The following KAT6A variants were observed in gnomAD, a reference collection of about 807,000 sequenced individuals.
KAT6A encodes the protein histone acetyltransferase KAT6A.
KAT6A carries 9 observed loss-of-function variants against 198.4 expected under a neutral mutation model. That is an observed-to-expected ratio of 0.05 (90% CI 0.03 to 0.08). The LOEUF (loss-of-function observed/expected upper bound fraction) is 0.08. Ranked by LOEUF, KAT6A falls within the 10% of genes least tolerant of loss-of-function variation. The pLI is 1.00. For synonymous variants in KAT6A, 890 were observed against 883.0 expected (o/e 1.01, Z -0.14); for missense variants, 2,077 against 2,509.9 (o/e 0.83, Z 3.69).
At chr8:41,996,137 T>G (rs1203067521) in intron 2 of KAT6A, among the ~76,000 whole-genome samples, 3 of 152,254 alleles carry the variant, frequency 2.0e-5, no homozygotes, top group Non-Finnish European at 4.4e-5. Flanking sequence ...TTTTATTATA[T>G]GCAATTATTT....
intron 8 of KAT6A, chr8:41,957,475 A>G (rs140452329): frequency 3.1e-6 from 1 of 320,662 alleles, no homozygotes; most frequent in African/African-American, 2.2e-5. Flanking sequence ...TTTTATTTTA[A>G]CATTTCAACC....
Position 42,048,456 on chromosome 8 carries a change from G to A in KAT6A, c.522C>T (p.Thr174=). Residue 174 remains threonine (T), a synonymous_variant, in exon 2 of 17, where the codon ACC becomes ACT. Coordinates refer to ENST00000265713, the MANE Select transcript of KAT6A (RefSeq NM_006766.5). ...CACAACTCTCTTTCCCATCCACGTT[G>A]GTTGCTTTAGTGTTGAGCCGATAAA... ...GPLYRLNTKA[T]NVDGKESCES... is the part of the protein sequence containing the mutation. 2 of 1,614,106 alleles carry A rather than the reference G, an allele frequency of 1.2e-6. No individual in the cohort carries two copies. Among genetic ancestry groups the A allele is most frequent in the Non-Finnish European group, 1.7e-6 (2 of 1,179,964 alleles).
intron 2 of KAT6A, among the ~76,000 whole-genome samples, chr8:42,043,132 T>C (rs1005659082): frequency 1.3e-5 from 2 of 152,236 alleles, no homozygotes; most frequent in African/African-American, 4.8e-5. Flanking sequence ...CTATTCTGTC[T>C]GCTTTAATCC....
intron 3 of KAT6A, among the ~76,000 whole-genome samples, chr8:41,983,505 C>T (rs1824461143): frequency 6.6e-6 from 1 of 152,184 alleles, no homozygotes; most frequent in African/African-American, 2.4e-5. Context: ...ATTCCTTAAA[C>T]TGATCATATT....
intron 2 of KAT6A, among the ~76,000 whole-genome samples, chr8:42,044,577 C>T (rs1232115121): frequency 1.3e-5 from 2 of 152,124 alleles, no homozygotes; most frequent in Non-Finnish European, 2.9e-5. Flanking sequence ...ACAGTTCCTT[C>T]CAAAGGTTAA....
Position 41,933,200 on chromosome 8 carries a change from G to T in KAT6A, c.5020C>A (p.Pro1674Thr). The change falls in exon 17 of 17, where the codon CCA becomes ACA. Residue 1674 changes from proline to threonine, a missense_variant. By Grantham distance (38) the Pro-to-Thr change is conservative (BLOSUM62 -1). This residue lies in a region of KAT6A where 500 missense variants were observed against 577.2 expected (regional missense o/e 0.87). Transcript: ENST00000265713. This position sits in a 1 kb window ranked among gnomAD's most constrained non-coding sequence, Gnocchi z 6.2. ...PQPQPAPQPP[P>T]PQQQPQQQPQ... is the part of the protein sequence containing the mutation. ...TGCTGTTGCGGCTGCTGCTGGGGTG[G>T]TGGAGGCTGTGGTGCTGGTTGTGGT... 6.3e-7 allele frequency: 1 copy of T among 1,580,712 alleles called. No homozygotes were observed. Among genetic ancestry groups the T allele is most frequent in the Non-Finnish European group, 8.6e-7 (1 of 1,166,816 alleles).
intron 8 of KAT6A, among the ~76,000 whole-genome samples, chr8:41,973,781 A>G (rs964858455): frequency 2.6e-5 from 4 of 152,022 alleles, no homozygotes; most frequent in African/African-American, 4.8e-5. Context: ...TTCTGATTAT[A>G]TAAGAACCAA....
At chr8:41,962,876 TTTCC>T (rs1431615184) in intron 8 of KAT6A, among the ~76,000 whole-genome samples, 46 of 152,308 alleles carry the variant, frequency 3.0e-4, no homozygotes, top group African/African-American at 1.1e-3. Context: ...GGTCTTTGCA[TTTCC>T]TGTTCCTATG....
chr8:41,934,685 T>A lies in KAT6A; in HGVS notation c.3535A>T (p.Ile1179Phe). Reference protein sequence around the residue: ...RKPGFKLSREIMPVSTQACVI... With the variant: ...RKPGFKLSREFMPVSTQACVI... The stretch of plus-strand genomic sequence containing the variant: ...CATGCTTGAGTAGAAACTGGCATGA[T>A]TTCCCGACTCAACTTAAATCCTGGT... The change falls in exon 17 of 17, where the codon ATC (isoleucine) becomes TTC (phenylalanine). Residue 1179 changes from isoleucine (I) to phenylalanine (F), a missense_variant. Ile to Phe is a conservative substitution (Grantham distance 21). Coordinates refer to ENST00000265713, the MANE Select transcript of KAT6A (RefSeq NM_006766.5). 1 of 1,614,184 alleles carries A rather than the reference T, an allele frequency of 6.2e-7. No individual in the cohort carries two copies. The highest frequency in any genetic ancestry group is 8.5e-7 in the Non-Finnish European group (1 of 1,180,044).
intron 14 of KAT6A, chr8:41,942,034 C>A: frequency 5.4e-6 from 1 of 183,542 alleles, no homozygotes; most frequent in East Asian, 8.9e-5. Flanking sequence ...AATTAAACTG[C>A]ACTAAAGAGA....
At chr8:42,016,748 C>A (rs1826290246) in intron 2 of KAT6A, among the ~76,000 whole-genome samples, 1 of 152,138 alleles carries the variant, frequency 6.6e-6, no homozygotes, top group Non-Finnish European at 1.5e-5. Context: ...CCAAGGGTAG[C>A]ACTTACAGGT....
chr8:42,032,871 C>CTTTTTTTTTTTTTT (rs1163323345), intron 2 of KAT6A, among the ~76,000 whole-genome samples: 6 of 76,518 alleles, frequency 7.8e-5, no homozygotes, highest in Admixed American at 1.6e-4. Flanking sequence ...AAAACCTTGG[C>CTTTTTTTTTTTTTT]TTTTTTTTTT....
chr8:42,014,389 C>T (rs912109281), intron 2 of KAT6A, among the ~76,000 whole-genome samples: 4 of 152,202 alleles, frequency 2.6e-5, no homozygotes, highest in Admixed American at 1.3e-4. Context: ...ATCATCTATA[C>T]CCATACTATA....
At chr8:42,019,529 A>G (rs1826430611) in intron 2 of KAT6A, among the ~76,000 whole-genome samples, 1 of 152,196 alleles carries the variant, frequency 6.6e-6, no homozygotes, top group Admixed American at 6.5e-5. Flanking sequence ...AATTTTCAAA[A>G]GTATGTTGCA....
chr8:41,986,596 A>G (rs1170055894), intron 3 of KAT6A, among the ~76,000 whole-genome samples: 1 of 152,196 alleles, frequency 6.6e-6, no homozygotes, highest in East Asian at 1.9e-4. Context: ...TATAAAAAAA[A>G]ACTAAGACCT....
chr8:42,000,574 G>GA (rs1303067118), intron 2 of KAT6A, among the ~76,000 whole-genome samples: 6 of 151,066 alleles, frequency 4.0e-5, no homozygotes, highest in Non-Finnish European at 8.9e-5. Context: ...AAAAAAAAAA[G>GA]AAAAAAAAGT....
chr8:41,966,084 T>A (rs951236368), intron 8 of KAT6A, among the ~76,000 whole-genome samples: 2 of 152,144 alleles, frequency 1.3e-5, no homozygotes, highest in Non-Finnish European at 2.9e-5. Flanking sequence ...CAAGTCACTA[T>A]CAGATTTGTT....
intron 5 of KAT6A, 110 bp downstream of exon 5, chr8:41,980,736 C>T (rs577639529): frequency 3.4e-4 from 279 of 825,590 alleles, no homozygotes; most frequent in Non-Finnish European, 5.4e-4. Flanking sequence ...ACTTATACAA[C>T]CTCAAAAAGA....
At chr8:41,978,520 T>C (rs939296838) in intron 6 of KAT6A, 122 bp downstream of exon 6, 25 of 929,668 alleles carry the variant, frequency 2.7e-5, no homozygotes, top group Non-Finnish European at 4.0e-5. Flanking sequence ...TTAGCCATTA[T>C]TATTATATAA....
Sources: allele counts gnomAD v4.1 joint callset (sites outside exome capture counted in the v4.1 genomes callset), GRCh38; gene constraint gnomAD v4.1.1; regional missense constraint gnomAD v4.1.1; non-coding constraint Gnocchi (gnomAD v3.1); transcripts MANE v1.5; gene names NCBI Gene and HGNC (gene_info 2026-07-23, HGNC 2026-07-21).